Variants in CNGB3 observed in about 807,000 individuals in gnomAD.
CNGB3 encodes cyclic nucleotide-gated channel beta-3.
CNGB3 carries 86 observed loss-of-function variants against 92.8 expected under a neutral mutation model. The ratio of observed to expected loss-of-function variants is 0.93; its 90% CI spans 0.78 to 1.11. The LOEUF is 1.11. Among genes scored for constraint, CNGB3 ranks in the 50% least tolerant of loss-of-function variants. The pLI is 0.00. For missense variants in CNGB3, 1,026 were observed against 956.8 expected, an observed-to-expected ratio of 1.07 and a Z score of -0.95; for synonymous variants, 333 against 332.7, an observed-to-expected ratio of 1.00 and a Z score of -0.01.
chr8:86,697,907 T>G (rs28534481), intron 3 of CNGB3, among the ~76,000 whole-genome samples: 3 of 151,740 alleles, frequency 2.0e-5, no homozygotes, highest in Admixed American at 6.6e-5. Flanking sequence ...TTTTCTGTCC[T>G]TGCGATAGTT....
chr8:86,652,512 A>G (rs1228484938), intron 7 of CNGB3, among the ~76,000 whole-genome samples: 4 of 152,030 alleles, frequency 2.6e-5, no homozygotes, highest in Admixed American at 6.6e-5. Context: ...TAAAACACTC[A>G]TTGTGCAGCT....
At chr8:86,596,252 C>T (rs866874745) in intron 15 of CNGB3, among the ~76,000 whole-genome samples, 2 of 152,100 alleles carry the variant, frequency 1.3e-5, no homozygotes, top group Middle Eastern at 3.2e-3. Flanking sequence ...ATCAGTAATA[C>T]TGAAGAAAAA....
At chr8:86,717,995 C>A (rs756010118) in intron 3 of CNGB3, among the ~76,000 whole-genome samples, 1 of 151,924 alleles carries the variant, frequency 6.6e-6, no homozygotes, top group Non-Finnish European at 1.5e-5. Context: ...TATCAAAACC[C>A]CTGGGATATA....
At chr8:86,669,478 GCAT>G (rs1260289600) in intron 4 of CNGB3, among the ~76,000 whole-genome samples, 1 of 152,152 alleles carries the variant, frequency 6.6e-6, no homozygotes, top group African/African-American at 2.4e-5. Context: ...ATACTTTGGA[GCAT>G]TAATAAAGCC....
At chr8:86,684,033 G>T (rs530947671) in intron 3 of CNGB3, among the ~76,000 whole-genome samples, 1 of 152,210 alleles carries the variant, frequency 6.6e-6, no homozygotes, top group South Asian at 2.1e-4. Flanking sequence ...ATATTGTCAT[G>T]TTAAAAGCAT....
chr8:86,629,032 CG>C lies in CNGB3; in HGVS notation c.1366del (p.Arg456AlafsTer11), dbSNP rs1057516878. 2 of 1,614,034 alleles carry C rather than the reference CG, an allele frequency of 1.2e-6. No homozygotes were observed. The highest frequency in any genetic ancestry group is 1.7e-6 in the Non-Finnish European group (2 of 1,179,968). On this transcript the variant is annotated frameshift_variant, in exon 12 of 18. Coordinates refer to ENST00000320005, the MANE Select transcript of CNGB3 (RefSeq NM_019098.5). LOFTEE classifies it high-confidence loss of function. ...GGCAATGGTGTCATCCATGCAGGCGCGGAAGTAGTTCTGATTGGCTGTAGCT... is the reference window on the plus strand; with the variant it reads ...GGCAATGGTGTCATCCATGCAGGCGCGAAGTAGTTCTGATTGGCTGTAGCT... ...GAATANQNYFRACMDDTIAYM... is the reference protein window; with the variant it reads ...GAATANQNYFXACMDDTIAYM...
At chr8:86,707,747 T>C (rs1268814288) in intron 3 of CNGB3, 1 of 152,216 alleles carries the variant, frequency 6.6e-6, no homozygotes, top group Non-Finnish European at 1.5e-5. Context: ...GATTGGAAGC[T>C]AGGTGAGCAG....
At chr8:86,635,863 T>TATATAC (rs1563735421) in intron 10 of CNGB3, among the ~76,000 whole-genome samples, 11 of 54,938 alleles carry the variant, frequency 2.0e-4, no homozygotes, top group Non-Finnish European at 2.3e-4. Flanking sequence ...TATATATATA[T>TATATAC]ACACATACAC....
intron 3 of CNGB3, among the ~76,000 whole-genome samples, chr8:86,691,285 G>T (rs1171225170): frequency 1.3e-5 from 2 of 152,088 alleles, no homozygotes. Context: ...TGAGTGTTTA[G>T]GGTTTTCTAG....
At chr8:86,689,354 T>A (rs1182165731) in intron 3 of CNGB3, among the ~76,000 whole-genome samples, 1 of 151,922 alleles carries the variant, frequency 6.6e-6, no homozygotes, top group Admixed American at 6.6e-5. Flanking sequence ...CTGGAAGATA[T>A]ATCCAATGCT....
intron 13 of CNGB3, among the ~76,000 whole-genome samples, chr8:86,614,853 G>A (rs952562441): frequency 1.5e-5 from 2 of 134,352 alleles, no homozygotes; most frequent in African/African-American, 6.4e-5. Context: ...CCCCGTGAGG[G>A]CAAGGCTGGA....
intron 3 of CNGB3, among the ~76,000 whole-genome samples, chr8:86,681,705 TA>T (rs1824085165): frequency 6.6e-6 from 1 of 152,248 alleles, no homozygotes; most frequent in East Asian, 1.9e-4. Context: ...AGAAAAATTC[TA>T]AAAGCTTCAA....
chr8:86,722,416 C>A (rs535912306), intron 3 of CNGB3, among the ~76,000 whole-genome samples: 1 of 152,194 alleles, frequency 6.6e-6, no homozygotes, highest in East Asian at 1.9e-4. Context: ...TTTCATTTGA[C>A]AAGATAATGA....
In CNGB3 at chr8:86,626,080, T is replaced by C; in HGVS notation, c.1481A>G (p.Asp494Gly). The change falls in exon 13 of 18, where the codon GAT becomes GGT. Residue 494 changes from aspartate to glycine, a missense_variant and splice_region_variant. Coordinates refer to ENST00000320005, the MANE Select transcript of CNGB3 (RefSeq NM_019098.5). ...EYTWDSQRML[D>G]ESDLLKTLPT... ...TAGGGTCTTAAGCAAATCAGACTCA[T>C]CTTTATAAAGATAAACACATCAAAC... The C allele has an allele frequency of 1.2e-6, 2 of 1,609,244 alleles. No individual in the cohort carries two copies. Among genetic ancestry groups the C allele is most frequent in the Non-Finnish European group, 1.7e-6 (2 of 1,175,878 alleles).
intron 2 of CNGB3, among the ~76,000 whole-genome samples, chr8:86,733,159 G>C (rs1825187589): frequency 6.6e-6 from 1 of 152,044 alleles, no homozygotes; most frequent in Non-Finnish European, 1.5e-5. Context: ...AGTACCCAGT[G>C]TTTAGCTTAC....
At chr8:86,673,849 C>A (rs1392809487) in intron 3 of CNGB3, among the ~76,000 whole-genome samples, 1 of 152,028 alleles carries the variant, frequency 6.6e-6, no homozygotes, top group East Asian at 1.9e-4. Flanking sequence ...GTGATAAAAC[C>A]TTGTCTGTGA....
chr8:86,688,960 C>T (rs1824244639), intron 3 of CNGB3, among the ~76,000 whole-genome samples: 1 of 151,542 alleles, frequency 6.6e-6, no homozygotes, highest in African/African-American at 2.4e-5. Flanking sequence ...CTGATTTCAC[C>T]ATAGGCCACG....
chr8:86,591,097 C>G (rs1445135885), intron 15 of CNGB3, among the ~76,000 whole-genome samples: 1 of 151,936 alleles, frequency 6.6e-6, no homozygotes, highest in Non-Finnish European at 1.5e-5. Context: ...ATTTCATCTT[C>G]CATTGCTGAT....
At position 86,574,841 on chromosome 8, in the gene CNGB3, G is replaced by C. The variant is rs1328978178; in HGVS notation, c.*963C>G. 1 of 152,158 alleles carries C rather than the reference G, an allele frequency of 6.6e-6. No individual in the cohort carries two copies. The highest frequency in any genetic ancestry group is 2.4e-5 in the African/African-American group (1 of 41,430). 9.4% of individuals were successfully genotyped at this position (152,158 alleles called of 1,614,324 possible). A position where few individuals can be genotyped will look rare whatever the true frequency, so the allele number is the denominator to read the frequency against. On this transcript the variant is annotated 3_prime_UTR_variant, in exon 18 of 18. Coordinates refer to ENST00000320005, the MANE Select transcript of CNGB3 (RefSeq NM_019098.5). ...TGCCCTTAATTAACTTGGAGATTTT[G>C]TAAACAGCTATACATGTAGGTTCCG...
Sources: gnomAD v4.1 joint callset for allele counts (sites outside exome capture counted in the v4.1 genomes callset) on GRCh38, gnomAD v4.1.1 for gene constraint, MANE v1.5 for transcripts, NCBI Gene and HGNC (gene_info 2026-07-23, HGNC 2026-07-21) for gene names.